HDAC9: variants seen among roughly 807,000 people sequenced by gnomAD.
HDAC9 encodes the protein histone deacetylase 9, also known as MEF-2 interacting transcription repressor (MITR) protein.
In HDAC9, 41 loss-of-function variants were observed where a neutral mutation model predicts 139.4. The ratio of observed to expected loss-of-function variants is 0.29; its 90% CI spans 0.23 to 0.38. HDAC9 has a LOEUF of 0.38. Ranked by LOEUF, HDAC9 falls within the 10% of genes least tolerant of loss-of-function variation. The pLI is 1.00. For synonymous variants in HDAC9, 517 were observed against 476.2 expected, an observed-to-expected ratio of 1.09 and a Z score of -1.12; for missense variants, 1,147 against 1,297.0, an observed-to-expected ratio of 0.88 and a Z score of 1.78.
At chr7:18,676,858 A>G (rs1781549182) in intron 12 of HDAC9, among the ~76,000 whole-genome samples, 2 of 151,906 alleles carry the variant, frequency 1.3e-5, no homozygotes, top group African/African-American at 4.8e-5. Flanking sequence ...TCTCTTAGGG[A>G]TTAAAAAAAT....
intron 6 of HDAC9, among the ~76,000 whole-genome samples, chr7:18,609,171 T>C (rs1267553009): frequency 6.6e-6 from 1 of 152,072 alleles, no homozygotes; most frequent in Non-Finnish European, 1.5e-5. Flanking sequence ...TCTTTGAAAA[T>C]AGTATGGACC....
intron 1 of HDAC9, among the ~76,000 whole-genome samples, chr7:18,136,065 A>G (rs1237658858): frequency 3.4e-5 from 5 of 148,858 alleles, no homozygotes; most frequent in Non-Finnish European, 7.4e-5. Flanking sequence ...GATGATGAGC[A>G]TTTTTTCATG....
At chr7:18,662,096 A>G (rs1033546476) in intron 11 of HDAC9, among the ~76,000 whole-genome samples, 1 of 152,130 alleles carries the variant, frequency 6.6e-6, no homozygotes, top group Non-Finnish European at 1.5e-5. Flanking sequence ...ATGGGAAATT[A>G]TATTCTAGTA....
At chr7:18,353,515 A>G (rs1314332986) in intron 1 of HDAC9, among the ~76,000 whole-genome samples, 1 of 152,184 alleles carries the variant, frequency 6.6e-6, no homozygotes, top group East Asian at 1.9e-4. Flanking sequence ...GAGGATAGTT[A>G]TTAATGCCGA....
chr7:18,381,443 T>G (rs897625984), intron 1 of HDAC9, among the ~76,000 whole-genome samples: 2 of 151,500 alleles, frequency 1.3e-5, no homozygotes, highest in African/African-American at 4.8e-5. Context: ...CGTAAGAAAA[T>G]CACGGGAGAT....
intron 21 of HDAC9, among the ~76,000 whole-genome samples, chr7:18,849,273 C>A (rs1797111839): frequency 6.6e-6 from 1 of 152,124 alleles, no homozygotes; most frequent in Non-Finnish European, 1.5e-5. Flanking sequence ...CCTTTTTCCA[C>A]TGATTACATG....
intron 12 of HDAC9, among the ~76,000 whole-genome samples, chr7:18,714,315 G>T (rs1784550812): frequency 6.6e-6 from 1 of 152,168 alleles, no homozygotes; most frequent in Non-Finnish European, 1.5e-5. Context: ...ATGCAAATTT[G>T]TTCTTATCAA....
rs141328801 is a variant in HDAC9, at chr7:18,950,562, T to C, written c.2938-3584T>C. Among the ~76,000 whole-genome samples the C allele has an allele frequency of 4.7e-3, 711 of 152,176 alleles. 9 individuals carry two copies. The highest frequency in any genetic ancestry group is 0.017 in the African/African-American group (687 of 41,556). On this transcript the variant is annotated intron_variant, in intron 23 of 25. Transcript: ENST00000686413. ...CTCCATTTATTCAACATTTTTAAAA[T>C]GTCTTTCATATACAGTCTCCATCTT...
intron 12 of HDAC9, among the ~76,000 whole-genome samples, chr7:18,673,770 C>T (rs1795797176): frequency 6.6e-6 from 1 of 151,954 alleles, no homozygotes; most frequent in Non-Finnish European, 1.5e-5. Flanking sequence ...TGAATTTTTG[C>T]TCTTGCCAGT....
chr7:18,149,850 A>G (rs900189536), intron 1 of HDAC9, among the ~76,000 whole-genome samples: 30 of 151,838 alleles, frequency 2.0e-4, no homozygotes, highest in African/African-American at 3.6e-4. Context: ...CACTGCGCCC[A>G]GCCCAGTTTT....
chr7:18,943,744 C>T (rs1782180615), intron 23 of HDAC9, among the ~76,000 whole-genome samples: 2 of 152,092 alleles, frequency 1.3e-5, no homozygotes, highest in African/African-American at 4.8e-5. Context: ...CTCATGTGAG[C>T]TGATGACCAT....
chr7:18,591,210 A>G (rs778482236), intron 4 of HDAC9, among the ~76,000 whole-genome samples: 1 of 152,192 alleles, frequency 6.6e-6, no homozygotes, highest in Non-Finnish European at 1.5e-5. Context: ...AGTATTTTTT[A>G]AACTTAAAAA....
At chr7:18,456,247 ATTTTTTTGAGATAGAGTCTTTC>A (rs1563006334) in intron 1 of HDAC9, among the ~76,000 whole-genome samples, 1 of 151,922 alleles carries the variant, frequency 6.6e-6, no homozygotes, top group Non-Finnish European at 1.5e-5. Flanking sequence ...TGGTTGGTTG[ATTTTTTTGAGATAGAGTCTTTC>A]TCTGTTGCCC....
chr7:18,417,943 C>T (rs183607331), intron 1 of HDAC9, among the ~76,000 whole-genome samples: 90 of 152,178 alleles, frequency 5.9e-4, no homozygotes, highest in African/African-American at 2.0e-3. Flanking sequence ...CTTTATTGTC[C>T]CTGAAATCTC....
intron 17 of HDAC9, among the ~76,000 whole-genome samples, chr7:18,825,725 T>C (rs1432295366): frequency 6.7e-6 from 1 of 148,594 alleles, no homozygotes; most frequent in Non-Finnish European, 1.5e-5. Flanking sequence ...ATAAAAAATA[T>C]ATATTTGTAT....
Position 18,351,024 on chromosome 7 carries a change from T to G in HDAC9, c.-42+60509T>G, listed in dbSNP as rs147211335. 7.2e-5 allele frequency among the ~76,000 whole-genome samples: 11 copies of G among 152,312 alleles called. No homozygotes were observed. In the East Asian group the frequency reaches 2.1e-3, roughly 29 times the overall value. On this transcript the variant is annotated intron_variant, in intron 1 of 3. Coordinates refer to the HDAC9 transcript ENST00000413509. ...CCTAAGTTAAATGACTGTAGGTCTG[T>G]GACGGAGCCTCTGTGATTGAATCAA...
chr7:18,560,471 G>C (rs1219081558), intron 2 of HDAC9, among the ~76,000 whole-genome samples: 1 of 152,130 alleles, frequency 6.6e-6, no homozygotes, highest in African/African-American at 2.4e-5. Context: ...TCCCCTGTAT[G>C]CCTCTGTGAC....
chr7:18,186,706 TC>T (rs973822565), intron 2 of HDAC9, among the ~76,000 whole-genome samples: 16 of 152,350 alleles, frequency 1.1e-4, no homozygotes, highest in African/African-American at 3.8e-4. Flanking sequence ...ATCTCAGTTT[TC>T]TCAACTTTAA....
At position 18,442,941 on chromosome 7, in the gene HDAC9, G is replaced by A. The variant is rs1791923864; in HGVS notation, c.-41-53321G>A. 3.3e-5 allele frequency among the ~76,000 whole-genome samples: 5 copies of A among 152,324 alleles called. No individual in the cohort carries two copies. In the South Asian group the frequency reaches 1.0e-3, roughly 32 times the overall value. On this transcript the variant is annotated intron_variant, in intron 1 of 3. Transcript: ENST00000413509. ...GGCTATATTTGGGGCTTCAACTACA[G>A]TGGATGGCCTAGGCATCCAGGCTGA...
Sources: allele counts gnomAD v4.1 joint callset (sites outside exome capture counted in the v4.1 genomes callset), GRCh38; gene constraint gnomAD v4.1.1; transcripts MANE v1.5; gene names NCBI Gene and HGNC (gene_info 2026-07-23, HGNC 2026-07-21).